The following CFAP74 variants were observed in gnomAD, a reference collection of about 807,000 sequenced individuals.
CFAP74 encodes the protein cilia- and flagella-associated protein 74.
A neutral mutation model predicts 188.9 loss-of-function variants in CFAP74; 124 were observed. That is an observed-to-expected ratio of 0.66 (90% CI 0.57 to 0.76). The LOEUF is 0.76. Among genes scored for constraint, CFAP74 ranks in the 30% least tolerant of loss-of-function variants. The pLI is 0.00. For missense variants in CFAP74, 2,198 were observed against 2,165.2 expected (o/e 1.02, Z -0.30); for synonymous variants, 956 against 916.7 (o/e 1.04, Z -0.77).
At chr1:1,981,922 A>C (rs6659371) in intron 6 of CFAP74, among the ~76,000 whole-genome samples, 1,717 of 6,938 alleles carry the variant, frequency 0.25, 1 homozygote, top group Admixed American at 0.28. Context: ...CGCAGGACAC[A>C]CAGCCGCGGA....
In CFAP74 at chr1:1,975,858, C is replaced by T. The variant is rs1392920436; in HGVS notation, c.501-1660G>A. Among the ~76,000 whole-genome samples the T allele has an allele frequency of 6.6e-6, 1 of 152,224 alleles. No individual in the cohort carries two copies. Among genetic ancestry groups the T allele is most frequent in the African/African-American group, 2.4e-5 (1 of 41,452 alleles). Reference sequence around the variant, plus strand: ...GTGCTCCAGTGGCCGTGGGAGCTAACAGCCTGCAGGGTCTCTTAGTAAAGA... The same window carrying T: ...GTGCTCCAGTGGCCGTGGGAGCTAATAGCCTGCAGGGTCTCTTAGTAAAGA... On this transcript the variant is annotated intron_variant, in intron 6 of 38. Coordinates refer to ENST00000682832, the MANE Select transcript of CFAP74 (RefSeq NM_001304360.2). The surrounding 1 kb of genome is among the most constrained non-coding windows in gnomAD (Gnocchi z 4.5).
chr1:1,993,585 C>T lies in CFAP74; in HGVS notation c.-19-2610G>A, dbSNP rs147171313. Among the ~76,000 whole-genome samples, 1,270 of 151,784 alleles carry T rather than the reference C, an allele frequency of 8.4e-3. 7 individuals carry two copies. Among genetic ancestry groups the T allele is most frequent in the Non-Finnish European group, 0.012 (823 of 67,942 alleles). ...AGAGGCGTGAGCCACCGTGCCCGGC[C>T]GGTGGCTGTTTTCTATTAGACCTTA... On this transcript the variant is annotated intron_variant, in intron 1 of 38. Coordinates refer to ENST00000682832, the MANE Select transcript of CFAP74 (RefSeq NM_001304360.2).
At chr1:1,964,603 T>C (rs952612687) in intron 13 of CFAP74, among the ~76,000 whole-genome samples, 2 of 152,122 alleles carry the variant, frequency 1.3e-5, no homozygotes, top group Non-Finnish European at 2.9e-5. Context: ...CAGCCTGGCC[T>C]ACATGGTGAA....
chr1:1,990,365 G>C (rs930405471), intron 2 of CFAP74, among the ~76,000 whole-genome samples: 4 of 151,056 alleles, frequency 2.6e-5, no homozygotes, highest in Non-Finnish European at 4.4e-5. Flanking sequence ...AGTCACAAGG[G>C]GGGCGGGAGA....
In CFAP74 at chr1:1,926,532, G is replaced by A. The variant is rs1453558118; in HGVS notation, c.3773-20C>T. 22 of 1,549,780 alleles carry A rather than the reference G, an allele frequency of 1.4e-5. No homozygotes were observed. Among genetic ancestry groups the A allele is most frequent in the South Asian group, 2.4e-5 (2 of 84,060 alleles). Reference sequence around the variant, plus strand: ...GGTGCCCTGAAATGGGGCAGGGAGCGTCAGGCCCCAGCCCCAGGCCCCAGG... The same window carrying A: ...GGTGCCCTGAAATGGGGCAGGGAGCATCAGGCCCCAGCCCCAGGCCCCAGG... On this transcript the variant is annotated intron_variant, in intron 30 of 38. Transcript: ENST00000682832.
At position 1,938,037 on chromosome 1, in the gene CFAP74, CACAT is replaced by C. The variant is rs896726130; in HGVS notation, c.3011+814_3011+817del. On this transcript the variant is annotated intron_variant, in intron 25 of 38. Coordinates refer to ENST00000682832, the MANE Select transcript of CFAP74 (RefSeq NM_001304360.2). The stretch of plus-strand genomic sequence containing the variant: ...GCACTCACATTCAGTCACATGCTCA[CACAT>C]ACATGCACTCACACTCAACCTTACA... Among the ~76,000 whole-genome samples the C allele has an allele frequency of 2.6e-3, 324 of 126,898 alleles. 3 individuals carry two copies. Among genetic ancestry groups the C allele is most frequent in the African/African-American group, 8.3e-3 (293 of 35,244 alleles). The allele number at this position is 126,898 out of a possible 152,430, so 83.3% of individuals were successfully genotyped here.
At chr1:1,936,974 G>C (rs190003960) in intron 25 of CFAP74, among the ~76,000 whole-genome samples, 126 of 152,144 alleles carry the variant, frequency 8.3e-4, no homozygotes, top group African/African-American at 3.0e-3. Context: ...ATGAGCAGTA[G>C]AAAATGGTCG....
chr1:1,970,299 G>A (rs1026558017), intron 10 of CFAP74, among the ~76,000 whole-genome samples: 9 of 151,822 alleles, frequency 5.9e-5, no homozygotes, highest in Non-Finnish European at 2.9e-5. Flanking sequence ...GGAGGGGCCT[G>A]GTGCTCCCTG....
At chr1:1,998,172 G>A (rs1225412416) in intron 1 of CFAP74, among the ~76,000 whole-genome samples, 3 of 152,064 alleles carry the variant, frequency 2.0e-5, no homozygotes, top group South Asian at 2.1e-4. Context: ...CAGCTACTTC[G>A]GAGGCTGAGG....
In CFAP74 at chr1:1,959,996, A is replaced by T. The variant is rs755640895; in HGVS notation, c.1729T>A (p.Ser577Thr). 5 of 1,596,390 alleles carry T rather than the reference A, an allele frequency of 3.1e-6. No individual in the cohort carries two copies. In the South Asian group the frequency reaches 5.6e-5, roughly 18 times the overall value. ...DPPGPLSAGM[S>T]CEVLVTFKPM... ...TTGAAGGTGACAAGCACTTCACAGG[A>T]CATTCCGGCTGACAGGGGGCCAGGG... The change falls in exon 15 of 39, where the codon TCC becomes ACC. Residue 577 changes from serine to threonine, a missense_variant. Transcript: ENST00000682832.
At chr1:1,959,319 C>A (rs1654897236) in intron 15 of CFAP74, 110 bp from the exon 16 acceptor site, 1 of 705,942 alleles carries the variant, frequency 1.4e-6, no homozygotes, top group Non-Finnish European at 2.4e-6. Flanking sequence ...TGCAGTGGCA[C>A]CTGCTCGATT....
rs190998606 is a variant in CFAP74 at position 1,963,616 on chromosome 1, A to G, written c.1694+133T>C. 1,063 of 591,528 alleles carry G rather than the reference A, an allele frequency of 1.8e-3. 18 individuals carry two copies. In the Admixed American group the frequency reaches 0.031, roughly 17 times the overall value. The allele number at this position is 591,528 out of a possible 1,614,324, so 36.6% of individuals were successfully genotyped here. A position where few individuals can be genotyped will look rare whatever the true frequency, so the allele number is the denominator to read the frequency against. On this transcript the variant is annotated intron_variant, in intron 14 of 38. Coordinates refer to ENST00000682832, the MANE Select transcript of CFAP74 (RefSeq NM_001304360.2). ...GAAGACAGAGGAGCCCCCTCTACAA[A>G]ATCTTCGTGAAAATCGGACCTGAGG...
rs762729618 is a variant in CFAP74 at position 1,944,402 on chromosome 1, C to T, written c.2415G>A (p.Pro805=). The T allele has an allele frequency of 8.5e-6, 13 of 1,536,018 alleles. No homozygotes were observed. Among genetic ancestry groups the T allele is most frequent in the African/African-American group, 4.1e-5 (3 of 73,060 alleles). The change falls in exon 21 of 39, where the codon CCG becomes CCA. Residue 805 remains proline (P), a synonymous_variant. Coordinates refer to ENST00000682832, the MANE Select transcript of CFAP74 (RefSeq NM_001304360.2). ...GVAIDVPVWV[P]KPSVDLKICM... ...AGATCTTCAGGTCCACGCTGGGCTT[C>T]GGCACCCAGACCGGCACATCGATGG...
intron 6 of CFAP74, chr1:1,985,043 A>T (rs1657144213): frequency 4.3e-6 from 1 of 230,636 alleles, no homozygotes; most frequent in Non-Finnish European, 8.6e-6. Flanking sequence ...ATCCAACCCA[A>T]CTCCACAGGA....
At chr1:1,944,059 C>T (rs1653573250) in intron 21 of CFAP74, among the ~76,000 whole-genome samples, 1 of 152,224 alleles carries the variant, frequency 6.6e-6, no homozygotes, top group South Asian at 2.1e-4. Flanking sequence ...CCACCAAGGT[C>T]CCTCTCCCCA....
chr1:1,993,907 G>T (rs566513451), intron 1 of CFAP74, among the ~76,000 whole-genome samples: 9 of 150,326 alleles, frequency 6.0e-5, no homozygotes, highest in Non-Finnish European at 1.0e-4. Context: ...GCGTGAACCC[G>T]GGAGGCGGAG....
intron 6 of CFAP74, among the ~76,000 whole-genome samples, chr1:1,977,430 G>A (rs1485326137): frequency 1.3e-5 from 2 of 152,204 alleles, no homozygotes; most frequent in Non-Finnish European, 2.9e-5. Flanking sequence ...TGCTGCCTGG[G>A]GGCCCCGTAA....
intron 9 of CFAP74, among the ~76,000 whole-genome samples, chr1:1,971,537 C>T (rs897283400): frequency 6.6e-6 from 1 of 152,282 alleles, no homozygotes; most frequent in Non-Finnish European, 1.5e-5. Flanking sequence ...ACTGTCCGCA[C>T]ATCCCAAGCG....
intron 10 of CFAP74, among the ~76,000 whole-genome samples, chr1:1,970,326 C>T (rs1655856194): frequency 1.3e-5 from 2 of 152,178 alleles, no homozygotes; most frequent in Admixed American, 1.3e-4. Flanking sequence ...TCTGGGTGGG[C>T]CAGGAAAGAG....
Sources: allele counts gnomAD v4.1 joint callset (sites outside exome capture counted in the v4.1 genomes callset), GRCh38; gene constraint gnomAD v4.1.1; non-coding constraint Gnocchi (gnomAD v3.1); transcripts MANE v1.5; gene names NCBI Gene and HGNC (gene_info 2026-07-23, HGNC 2026-07-21).